The following AUTS2 variants were observed in gnomAD, a reference collection of about 807,000 sequenced individuals.
AUTS2 encodes the protein activator of transcription and developmental regulator AUTS2, also known as autism susceptibility gene 2 protein.
Under a neutral mutation model 112.4 loss-of-function variants are expected in AUTS2, and 17 were observed. That is an observed-to-expected ratio of 0.15 (90% CI 0.10 to 0.23). The LOEUF (loss-of-function observed/expected upper bound fraction) is 0.23, where lower values mean the gene tolerates loss of function less well. Among genes scored for constraint, AUTS2 ranks in the 10% least tolerant of loss-of-function variants. The pLI is 1.00. For synonymous variants in AUTS2, 751 were observed against 702.7 expected, an observed-to-expected ratio of 1.07 and a Z score of -1.09; for missense variants, 1,510 against 1,701.6, an observed-to-expected ratio of 0.89 and a Z score of 1.98.
chr7:69,737,443 A>T (rs1335754758), intron 1 of AUTS2, among the ~76,000 whole-genome samples: 1 of 152,286 alleles, frequency 6.6e-6, no homozygotes, highest in East Asian at 1.9e-4. Context: ...AGTCGGGCAG[A>T]GTCACTGTGG....
intron 5 of AUTS2, among the ~76,000 whole-genome samples, chr7:70,645,001 A>G (rs763049899): frequency 3.3e-5 from 5 of 152,218 alleles, no homozygotes; most frequent in Non-Finnish European, 5.9e-5. Context: ...GCCATGGCCT[A>G]AAATGGAGTA....
At chr7:70,402,413 TCA>T (rs539775904) in intron 4 of AUTS2, among the ~76,000 whole-genome samples, 228 of 152,350 alleles carry the variant, frequency 1.5e-3, no homozygotes, top group Non-Finnish European at 2.7e-3. Flanking sequence ...TGACGCAGAA[TCA>T]CAGTTTGCTG....
At chr7:70,184,722 A>G (rs1809507768) in intron 4 of AUTS2, among the ~76,000 whole-genome samples, 1 of 152,116 alleles carries the variant, frequency 6.6e-6, no homozygotes, top group African/African-American at 2.4e-5. Flanking sequence ...ATTCCTTCTT[A>G]TTGATCTAGT....
intron 1 of AUTS2, among the ~76,000 whole-genome samples, chr7:69,615,302 T>C (rs1793309225): frequency 6.6e-6 from 1 of 152,066 alleles, no homozygotes; most frequent in Non-Finnish European, 1.5e-5. Context: ...TGAACATTAC[T>C]TTAGCATTAT....
At chr7:70,043,640 A>T (rs1244527037) in intron 2 of AUTS2, among the ~76,000 whole-genome samples, 1 of 111,038 alleles carries the variant, frequency 9.0e-6, no homozygotes, top group Admixed American at 1.2e-4. Context: ...TCAGTGTTTC[A>T]CTCTTGTTGC....
intron 2 of AUTS2, among the ~76,000 whole-genome samples, chr7:70,096,984 A>C (rs1804241203): frequency 6.6e-6 from 1 of 152,180 alleles, no homozygotes; most frequent in Admixed American, 6.6e-5. Context: ...TGCTTCTTCT[A>C]CCTGGTGTTA....
chr7:70,625,256 G>A (rs1804877580), intron 5 of AUTS2, among the ~76,000 whole-genome samples: 1 of 152,148 alleles, frequency 6.6e-6, no homozygotes, highest in African/African-American at 2.4e-5. Flanking sequence ...CATTATGTGT[G>A]GTATGTAGCC....
chr7:70,383,479 A>G (rs1793465291), intron 4 of AUTS2, among the ~76,000 whole-genome samples: 1 of 152,348 alleles, frequency 6.6e-6, no homozygotes, highest in East Asian at 1.9e-4. Context: ...TTCTTGTTAC[A>G]TAATCTGCAG....
chr7:70,390,652 A>G (rs941195290), intron 4 of AUTS2, among the ~76,000 whole-genome samples: 3 of 151,986 alleles, frequency 2.0e-5, no homozygotes, highest in African/African-American at 7.2e-5. Flanking sequence ...AGATGCATTC[A>G]TTCTGTCAAG....
intron 17 of AUTS2, 86 bp downstream of exon 17, chr7:70,786,124 G>A: frequency 8.3e-7 from 1 of 1,198,062 alleles, no homozygotes; most frequent in South Asian, 1.3e-5. Context: ...CTAGAGAAAA[G>A]GAAACTATGC....
At chr7:69,887,219 G>T (rs1285329193) in intron 1 of AUTS2, among the ~76,000 whole-genome samples, 1 of 152,016 alleles carries the variant, frequency 6.6e-6, no homozygotes, top group Non-Finnish European at 1.5e-5. Context: ...TTGGAGACCA[G>T]CCTGGCCAAC....
At chr7:70,717,339 C>G (rs1810437449) in intron 6 of AUTS2, among the ~76,000 whole-genome samples, 1 of 152,246 alleles carries the variant, frequency 6.6e-6, no homozygotes, top group East Asian at 1.9e-4. Context: ...TACCACCATA[C>G]CCGGCTAACT....
intron 4 of AUTS2, among the ~76,000 whole-genome samples, chr7:70,220,077 G>T (rs1433771723): frequency 6.6e-6 from 1 of 152,112 alleles, no homozygotes; most frequent in African/African-American, 2.4e-5. Context: ...TTTTGTCTTT[G>T]TGGGCTGTTC....
intron 1 of AUTS2, among the ~76,000 whole-genome samples, chr7:69,605,400 G>A (rs988877114): frequency 3.3e-5 from 5 of 152,132 alleles, no homozygotes; most frequent in African/African-American, 7.2e-5. Flanking sequence ...TTTACTGATT[G>A]TTACCAACCC....
intron 2 of AUTS2, among the ~76,000 whole-genome samples, chr7:69,997,183 G>T (rs1003388900): frequency 2.6e-5 from 4 of 152,152 alleles, no homozygotes; most frequent in Non-Finnish European, 5.9e-5. Flanking sequence ...GGCACAGCTG[G>T]CATTATCCCT....
chr7:69,634,339 C>T (rs2129107345), intron 1 of AUTS2, among the ~76,000 whole-genome samples: 1 of 152,112 alleles, frequency 6.6e-6, no homozygotes, highest in South Asian at 2.1e-4. Context: ...CCAGGATGGT[C>T]TCGATCTCCT....
intron 2 of AUTS2, among the ~76,000 whole-genome samples, chr7:70,097,482 G>A (rs1804266912): frequency 6.6e-6 from 1 of 152,166 alleles, no homozygotes; most frequent in Non-Finnish European, 1.5e-5. Context: ...AGCATACTGG[G>A]CCACTTAGCA....
chr7:70,131,883 A>G (rs559935936), intron 3 of AUTS2, among the ~76,000 whole-genome samples: 79 of 151,954 alleles, frequency 5.2e-4, no homozygotes, highest in African/African-American at 1.9e-3. Context: ...GACCAGGCGT[A>G]ATATCTCACT....
At chr7:70,336,594 A>G (rs1203855629) in intron 4 of AUTS2, among the ~76,000 whole-genome samples, 1 of 152,134 alleles carries the variant, frequency 6.6e-6, no homozygotes, top group African/African-American at 2.4e-5. Flanking sequence ...TTTTTGAATT[A>G]TATCAATTAG....
Sources: allele counts gnomAD v4.1 joint callset (sites outside exome capture counted in the v4.1 genomes callset), GRCh38; gene constraint gnomAD v4.1.1; transcripts MANE v1.5; gene names NCBI Gene and HGNC (gene_info 2026-07-23, HGNC 2026-07-21).